Variants in EVI5 observed in about 807,000 individuals in gnomAD.
EVI5 encodes the protein ecotropic viral integration site 5.
A neutral mutation model predicts 112.0 loss-of-function variants in EVI5; 73 were observed. That is an observed-to-expected ratio of 0.65 (90% CI 0.54 to 0.79). EVI5 has a LOEUF of 0.79. EVI5 is among the 30% of genes least tolerant of loss of function. The pLI is 0.00. For synonymous variants in EVI5, 305 were observed against 319.9 expected (o/e 0.95, Z 0.50); for missense variants, 900 against 968.8 (o/e 0.93, Z 0.94).
At chr1:92,521,326 T>G (rs573479120) in intron 19 of EVI5, among the ~76,000 whole-genome samples, 1 of 152,302 alleles carries the variant, frequency 6.6e-6, no homozygotes, top group South Asian at 2.1e-4. Context: ...ATGTGTATGA[T>G]AAATGTAAAC....
chr1:92,676,588 G>A (rs534538775), intron 10 of EVI5, among the ~76,000 whole-genome samples: 4 of 152,200 alleles, frequency 2.6e-5, no homozygotes, highest in South Asian at 2.1e-4. Flanking sequence ...CAAGAATTCC[G>A]TGTTTTATGG....
rs555877271 is a variant in EVI5 at position 92,593,516 on chromosome 1, A to C, written c.2070+11791T>G. Among the ~76,000 whole-genome samples, 14 of 152,332 alleles carry C rather than the reference A, an allele frequency of 9.2e-5. No homozygotes were observed. The East Asian group carries it at 9.6e-4, about 10-fold the overall frequency. On this transcript the variant is annotated intron_variant, in intron 18 of 19. Coordinates refer to ENST00000684568, the MANE Select transcript of EVI5 (RefSeq NM_001350197.2). ...TCCCTTTGAAAACCGGCACAAGACA[A>C]GGATGCCCTCTCTCACCACTCCTAT...
intron 6 of EVI5, among the ~76,000 whole-genome samples, chr1:92,695,940 T>C (rs192331151): frequency 2.0e-5 from 3 of 152,150 alleles, no homozygotes; most frequent in Admixed American, 2.0e-4. Flanking sequence ...GAGACTTTTT[T>C]TTTTTTTTGA....
intron 18 of EVI5, among the ~76,000 whole-genome samples, chr1:92,603,404 A>G (rs903399591): frequency 9.9e-5 from 15 of 152,222 alleles, no homozygotes; most frequent in Non-Finnish European, 2.1e-4. Flanking sequence ...CTGTATTCAT[A>G]GCAGCATTAT....
chr1:92,740,149 CATGAG>C (rs1016355167), intron 1 of EVI5, among the ~76,000 whole-genome samples: 1 of 152,206 alleles, frequency 6.6e-6, no homozygotes, highest in Admixed American at 6.5e-5. Context: ...TGAATGAACA[CATGAG>C]ATGATTTTAA....
At chr1:92,724,440 A>C (rs1439721662) in intron 2 of EVI5, among the ~76,000 whole-genome samples, 2 of 152,200 alleles carry the variant, frequency 1.3e-5, no homozygotes, top group African/African-American at 4.8e-5. Context: ...TAAATAATAG[A>C]GACTAGCTTT....
At chr1:92,581,431 C>A (rs962415651) in intron 18 of EVI5, among the ~76,000 whole-genome samples, 1 of 152,190 alleles carries the variant, frequency 6.6e-6, no homozygotes, top group Non-Finnish European at 1.5e-5. Context: ...TTATCCTTTG[C>A]AGAAGTTTCT....
intron 15 of EVI5, 64 bp from the exon 16 acceptor site, chr1:92,624,398 T>C: frequency 7.4e-7 from 1 of 1,345,352 alleles, no homozygotes; most frequent in Non-Finnish European, 1.1e-6. Flanking sequence ...CTAATATTAC[T>C]GAGCGCTTAT....
chr1:92,522,485 A>T (rs2101737586), intron 19 of EVI5, among the ~76,000 whole-genome samples: 1 of 151,854 alleles, frequency 6.6e-6, no homozygotes, highest in African/African-American at 2.4e-5. Context: ...AAAATACAAA[A>T]ATCAGCCGGG....
chr1:92,526,801 T>C (rs1014836024), intron 19 of EVI5, among the ~76,000 whole-genome samples: 2 of 152,124 alleles, frequency 1.3e-5, no homozygotes, highest in African/African-American at 4.8e-5. Flanking sequence ...TGTCAAAACA[T>C]ATAGAATGTA....
At chr1:92,656,145 G>A (rs1359001749) in intron 13 of EVI5, among the ~76,000 whole-genome samples, 1 of 152,046 alleles carries the variant, frequency 6.6e-6, no homozygotes, top group East Asian at 1.9e-4. Flanking sequence ...CCATATTTTA[G>A]CCCATGAAAC....
At chr1:92,640,773 T>C (rs1276548228) in intron 13 of EVI5, among the ~76,000 whole-genome samples, 1 of 152,142 alleles carries the variant, frequency 6.6e-6, no homozygotes, top group East Asian at 1.9e-4. Context: ...TAAAGACACA[T>C]ACATACATAT....
At chr1:92,773,197 CAAA>C (rs34570423) in intron 1 of EVI5, among the ~76,000 whole-genome samples, 1 of 131,722 alleles carries the variant, frequency 7.6e-6, no homozygotes, top group African/African-American at 2.9e-5. Context: ...CAGGCTGTCT[CAAA>C]AAAAAAAAAA....
intron 18 of EVI5, among the ~76,000 whole-genome samples, chr1:92,570,609 G>A (rs1385885194): frequency 6.6e-6 from 1 of 152,196 alleles, no homozygotes; most frequent in Non-Finnish European, 1.5e-5. Flanking sequence ...AACATTGTAA[G>A]AGAGAAGTTC....
At chr1:92,533,865 G>A (rs558295605) in intron 19 of EVI5, among the ~76,000 whole-genome samples, 1 of 152,120 alleles carries the variant, frequency 6.6e-6, no homozygotes, top group Non-Finnish European at 1.5e-5. Flanking sequence ...TTTGAAAACT[G>A]GCACAAGACA....
chr1:92,754,713 A>T lies in EVI5; in HGVS notation c.-81-18086T>A, dbSNP rs548215448. On this transcript the variant is annotated intron_variant, in intron 1 of 19. Coordinates refer to ENST00000684568, the MANE Select transcript of EVI5 (RefSeq NM_001350197.2). ...CAACTGGCTTCCCCCAGAACAAGAA[A>T]GCAAGACAGAAAATGCTTACATGAT... Among the ~76,000 whole-genome samples, 7 of 152,376 alleles carry T rather than the reference A, an allele frequency of 4.6e-5. No homozygotes were observed. The East Asian group carries it at 1.3e-3, about 29-fold the overall frequency.
chr1:92,648,606 T>C (rs1222284554), intron 13 of EVI5, among the ~76,000 whole-genome samples: 1 of 152,210 alleles, frequency 6.6e-6, no homozygotes, highest in Non-Finnish European at 1.5e-5. Context: ...ATTCTAGATA[T>C]TTCCTATAAA....
rs187932645 is a variant in EVI5, at chr1:92,706,855, T to A, written c.150-2111A>T. Among the ~76,000 whole-genome samples, 282 of 152,192 alleles carry A rather than the reference T, an allele frequency of 1.9e-3. 1 individual carries two copies. The highest frequency in any genetic ancestry group is 6.5e-3 in the African/African-American group (270 of 41,546). On this transcript the variant is annotated intron_variant, in intron 2 of 19. Transcript: ENST00000684568. ...GGTTTAAAATAGATAAGCCTAAATATAACAAAACTATAAAACTCCTAAAAA... is the reference window on the plus strand; with the variant it reads ...GGTTTAAAATAGATAAGCCTAAATAAAACAAAACTATAAAACTCCTAAAAA...
At chr1:92,650,144 T>C (rs1217411676) in intron 13 of EVI5, among the ~76,000 whole-genome samples, 1 of 152,114 alleles carries the variant, frequency 6.6e-6, no homozygotes, top group African/African-American at 2.4e-5. Flanking sequence ...TTTTTCAAGA[T>C]TGTTTGGCTA....
Sources: gnomAD v4.1 joint callset for allele counts (sites outside exome capture counted in the v4.1 genomes callset) on GRCh38, gnomAD v4.1.1 for gene constraint, MANE v1.5 for transcripts, NCBI Gene and HGNC (gene_info 2026-07-23, HGNC 2026-07-21) for gene names.